The following NLGN4X variants were observed in gnomAD, a reference collection of about 807,000 sequenced individuals.
NLGN4X encodes the protein neuroligin 4 X-linked.
NLGN4X carries 3 observed loss-of-function variants against 40.3 expected under a neutral mutation model. The observed-to-expected ratio is 0.07, with a 90% confidence interval of 0.03 to 0.19. NLGN4X has a LOEUF of 0.19. Ranked by LOEUF, NLGN4X falls within the 10% of genes least tolerant of loss-of-function variation. NLGN4X has a pLI of 1.00. For missense variants in NLGN4X, 382 were observed against 708.3 expected, an observed-to-expected ratio of 0.54 and a Z score of 5.23; for synonymous variants, 270 against 306.8, an observed-to-expected ratio of 0.88 and a Z score of 1.25.
At chrX:5,902,383 G>A (rs894882402) in intron 5 of NLGN4X, among the ~76,000 whole-genome samples, 1 of 111,110 alleles carries the variant, frequency 9.0e-6, no homozygotes, top group African/African-American at 3.3e-5. Context: ...AGGGCATGGT[G>A]GTGCACGCCT....
intron 3 of NLGN4X, among the ~76,000 whole-genome samples, chrX:5,981,266 G>C (rs1387679475): frequency 9.0e-6 from 1 of 110,816 alleles, no homozygotes; most frequent in Non-Finnish European, 1.9e-5. Context: ...AGATTTCCTT[G>C]AGAAATCTAA....
At chrX:6,225,586 C>G (rs777689748) in intron 1 of NLGN4X, among the ~76,000 whole-genome samples, 1 of 103,456 alleles carries the variant, frequency 9.7e-6, no homozygotes, top group Non-Finnish European at 2.0e-5. Context: ...GCATGCACTT[C>G]TATGTTGCCC....
At chrX:6,138,997 G>A (rs1262203723) in intron 2 of NLGN4X, among the ~76,000 whole-genome samples, 1 of 111,596 alleles carries the variant, frequency 9.0e-6, no homozygotes, top group African/African-American at 3.2e-5. Context: ...GAAATAATTT[G>A]TTAACATTTT....
At chrX:5,958,990 A>G (rs1032412559) in intron 3 of NLGN4X, among the ~76,000 whole-genome samples, 2 of 112,082 alleles carry the variant, frequency 1.8e-5, no homozygotes, top group African/African-American at 6.5e-5. Flanking sequence ...GCAGAAAAAG[A>G]AGGAGACCAG....
intron 2 of NLGN4X, among the ~76,000 whole-genome samples, chrX:6,037,307 A>C (rs1363668512): frequency 1.8e-5 from 2 of 109,761 alleles, no homozygotes; most frequent in Non-Finnish European, 3.8e-5. Flanking sequence ...CCTTATCACA[A>C]AAAAAAATAA....
At chrX:6,111,723 GC>G (rs994260102) in intron 2 of NLGN4X, among the ~76,000 whole-genome samples, 2 of 111,235 alleles carry the variant, frequency 1.8e-5, no homozygotes, top group African/African-American at 6.6e-5. Context: ...TCCAGCCTGA[GC>G]AACAGAAAGA....
intron 2 of NLGN4X, among the ~76,000 whole-genome samples, chrX:6,062,846 A>T (rs2037804681): frequency 9.0e-6 from 1 of 110,963 alleles, no homozygotes; most frequent in Non-Finnish European, 1.9e-5. Flanking sequence ...TGGAACTGTG[A>T]GTCCACTAAA....
At chrX:6,036,250 T>A (rs1437828896) in intron 2 of NLGN4X, among the ~76,000 whole-genome samples, 1 of 111,574 alleles carries the variant, frequency 9.0e-6, no homozygotes, top group East Asian at 2.8e-4. Context: ...CCATGAAACT[T>A]TCCAAATCAG....
intron 3 of NLGN4X, among the ~76,000 whole-genome samples, chrX:6,009,614 G>A (rs958375688): frequency 8.9e-6 from 1 of 112,120 alleles, no homozygotes; most frequent in African/African-American, 3.2e-5. Flanking sequence ...CTGACATTTC[G>A]GTGGGTGGGT....
intron 1 of NLGN4X, among the ~76,000 whole-genome samples, chrX:6,183,542 G>A (rs1225621967): frequency 1.9e-5 from 2 of 105,888 alleles, no homozygotes; most frequent in African/African-American, 3.6e-5. Flanking sequence ...GCAAGACTCC[G>A]TCTCAAAAAA....
chrX:6,100,742 A>T (rs1245891828), intron 2 of NLGN4X, among the ~76,000 whole-genome samples: 1 of 112,426 alleles, frequency 8.9e-6, no homozygotes, highest in African/African-American at 3.2e-5. Flanking sequence ...GCACTTCACA[A>T]ATATTAAGCT....
Position 5,892,047 on chromosome X carries a change from G to GTA in NLGN4X, c.*768_*769dup, listed in dbSNP as rs771211916. ...ATATGACTAATGTGTGTGTGTGTGT[G>GTA]TATATATATATATATTTATATACGT... On this transcript the variant is annotated 3_prime_UTR_variant, in exon 6 of 6. Coordinates refer to ENST00000381095, the MANE Select transcript of NLGN4X (RefSeq NM_181332.3). 311 of 115,142 alleles carry GTA rather than the reference G, an allele frequency of 2.7e-3. 1 individual carries two copies. Among genetic ancestry groups the GTA allele is most frequent in the African/African-American group, 8.0e-3 (240 of 30,181 alleles). The allele number at this position is 115,142 out of a possible 1,213,427, so 9.5% of individuals were successfully genotyped here.
chrX:6,101,630 A>T (rs903898211), intron 2 of NLGN4X, among the ~76,000 whole-genome samples: 5 of 110,616 alleles, frequency 4.5e-5, no homozygotes. Flanking sequence ...GATTGAACTC[A>T]TGTGCATAGA....
At chrX:5,970,801 ACTATACTGTATAATT>A (rs1209446701) in intron 3 of NLGN4X, among the ~76,000 whole-genome samples, 1 of 112,127 alleles carries the variant, frequency 8.9e-6, no homozygotes, top group African/African-American at 3.2e-5. Context: ...ATCAACTGAT[ACTATACTGTATAATT>A]CAATGTAGTT....
intron 3 of NLGN4X, chrX:5,991,505 G>T: frequency 1.9e-6 from 1 of 519,781 alleles, no homozygotes; most frequent in South Asian, 2.5e-5. Flanking sequence ...CAGTTTCCAT[G>T]AGCCAGTGTG....
intron 2 of NLGN4X, among the ~76,000 whole-genome samples, chrX:6,073,842 T>G (rs1053768849): frequency 9.0e-6 from 1 of 110,588 alleles, no homozygotes. Context: ...TAAAGAATTT[T>G]TTTTAATGTG....
At chrX:6,105,147 A>G (rs939116659) in intron 2 of NLGN4X, among the ~76,000 whole-genome samples, 1 of 108,975 alleles carries the variant, frequency 9.2e-6, no homozygotes, top group Non-Finnish European at 1.9e-5. Flanking sequence ...TGCAACTTCC[A>G]CCTTTCAGGG....
chrX:5,996,296 A>G (rs745733429), intron 3 of NLGN4X, among the ~76,000 whole-genome samples: 2 of 112,372 alleles, frequency 1.8e-5, no homozygotes, highest in African/African-American at 6.5e-5. Flanking sequence ...TCTAGATAAG[A>G]GTCCGACTTT....
chrX:6,054,791 G>A (rs1162652929), intron 2 of NLGN4X, among the ~76,000 whole-genome samples: 3 of 110,473 alleles, frequency 2.7e-5, no homozygotes, highest in Non-Finnish European at 3.8e-5. Context: ...CCGAGTAGCT[G>A]GGATTACAGG....
Sources: allele counts gnomAD v4.1 joint callset (sites outside exome capture counted in the v4.1 genomes callset), GRCh38; gene constraint gnomAD v4.1.1; transcripts MANE v1.5; gene names NCBI Gene and HGNC (gene_info 2026-07-23, HGNC 2026-07-21).